LMNB1: variants seen among roughly 807,000 people sequenced by gnomAD.
LMNB1 encodes the protein lamin-B1.
In LMNB1, 23 loss-of-function variants were observed where a neutral mutation model predicts 67.1. That is an observed-to-expected ratio of 0.34 (90% CI 0.25 to 0.49). The LOEUF is 0.49. Among genes scored for constraint, LMNB1 ranks in the 20% least tolerant of loss-of-function variants. The pLI is 0.99. For missense variants in LMNB1, 634 were observed against 746.5 expected (o/e 0.85, Z 1.76); for synonymous variants, 281 against 282.9 (o/e 0.99, Z 0.07).
In LMNB1 at chr5:126,812,811, A is replaced by C. The variant is rs374697295; in HGVS notation, c.939+913A>C. On this transcript the variant is annotated intron_variant, in intron 5 of 10. Transcript: ENST00000261366. ...AGTGGTACGATCTCGGCTCACTGTG[A>C]GCTCCGCCTCCCGGGTTCACGCCAT... Among the ~76,000 whole-genome samples, 318 of 136,582 alleles carry C rather than the reference A, an allele frequency of 2.3e-3. 1 individual carries two copies. Among genetic ancestry groups the C allele is most frequent in the African/African-American group, 8.7e-3 (307 of 35,316 alleles). The allele number at this position is 136,582 out of a possible 152,430, so 89.6% of individuals were successfully genotyped here.
At chr5:126,814,709 T>C (rs1438266055) in intron 5 of LMNB1, among the ~76,000 whole-genome samples, 3 of 152,188 alleles carry the variant, frequency 2.0e-5, no homozygotes, top group African/African-American at 7.2e-5. Context: ...CAGCTAATTC[T>C]TTGTATTTTT....
At chr5:126,828,129 G>C (rs142435138) in intron 9 of LMNB1, among the ~76,000 whole-genome samples, 1 of 152,310 alleles carries the variant, frequency 6.6e-6, no homozygotes, top group African/African-American at 2.4e-5. Context: ...GAGGTGCCTG[G>C]ATAAAAAGTT....
At chr5:126,793,829 T>TTGCGCCATTGCACTCTGGCCTGGGCAA (rs1751024282) in intron 1 of LMNB1, among the ~76,000 whole-genome samples, 3 of 152,028 alleles carry the variant, frequency 2.0e-5, no homozygotes, top group African/African-American at 7.2e-5. Context: ...TTAGCTGAGA[T>TTGCGCCATTGCACTCTGGCCTGGGCAA]TGCGCCATTG....
chr5:126,794,115 G>T (rs1751031955), intron 1 of LMNB1, among the ~76,000 whole-genome samples: 1 of 152,048 alleles, frequency 6.6e-6, no homozygotes, highest in Admixed American at 6.6e-5. Context: ...TTGTATTTTT[G>T]TATTTCACCA....
Position 126,821,034 on chromosome 5 carries a change from A to G in LMNB1, c.1285A>G (p.Ser429Gly). The G allele has an allele frequency of 6.2e-7, 1 of 1,613,972 alleles. No homozygotes were observed. Among genetic ancestry groups the G allele is most frequent in the Non-Finnish European group, 8.5e-7 (1 of 1,179,864 alleles). The change falls in exon 7 of 11, where the codon AGT (serine) becomes GGT (glycine). Residue 429 changes from serine (S) to glycine (G), a missense_variant. Ser to Gly is a moderately conservative substitution (Grantham distance 56). Transcript: ENST00000261366. ...VDVEESEASS[S>G]VSISHSASAT... Reference sequence around the variant, plus strand: ...TGTGGAAGAATCAGAGGCGAGTAGTAGTGTTAGCATCTCTCATTCCGCCTC... The same window carrying G: ...TGTGGAAGAATCAGAGGCGAGTAGTGGTGTTAGCATCTCTCATTCCGCCTC...
At chr5:126,794,214 C>T (rs562026315) in intron 1 of LMNB1, among the ~76,000 whole-genome samples, 108 of 152,270 alleles carry the variant, frequency 7.1e-4, no homozygotes, top group Admixed American at 1.3e-3. Flanking sequence ...AGTGAACCAC[C>T]GTGCCTGGCC....
intron 3 of LMNB1, among the ~76,000 whole-genome samples, chr5:126,808,605 CAA>C (rs1376393666): frequency 6.6e-6 from 1 of 151,898 alleles, no homozygotes; most frequent in Non-Finnish European, 1.5e-5. Flanking sequence ...AGGAGGTAGA[CAA>C]AGAACAAACC....
chr5:126,779,141 GAA>G (rs1263705954), intron 1 of LMNB1, among the ~76,000 whole-genome samples: 2 of 152,080 alleles, frequency 1.3e-5, no homozygotes, highest in Non-Finnish European at 2.9e-5. Flanking sequence ...GTCCCTGTCC[GAA>G]GTCTCTGAGA....
chr5:126,809,090 G>T (rs1751524106), intron 3 of LMNB1, among the ~76,000 whole-genome samples: 1 of 152,098 alleles, frequency 6.6e-6, no homozygotes. Flanking sequence ...GGCCAGGCTG[G>T]TCTTGAACTC....
chr5:126,790,977 C>T (rs950323364), intron 1 of LMNB1, among the ~76,000 whole-genome samples: 13 of 151,858 alleles, frequency 8.6e-5, no homozygotes, highest in South Asian at 2.1e-4. Context: ...GCCCAGGTCG[C>T]GCCATTGCAC....
chr5:126,825,576 T>C (rs892300968), intron 8 of LMNB1, among the ~76,000 whole-genome samples: 3 of 152,132 alleles, frequency 2.0e-5, no homozygotes, highest in African/African-American at 7.2e-5. Context: ...CACAGAGTAA[T>C]AGAACGCTGA....
intron 10 of LMNB1, among the ~76,000 whole-genome samples, chr5:126,834,604 C>G (rs906483453): frequency 6.6e-6 from 1 of 152,186 alleles, no homozygotes; most frequent in East Asian, 1.9e-4. Context: ...AGAATGTGGC[C>G]GGGCACGGTG....
chr5:126,814,540 G>GTT (rs202142686), intron 5 of LMNB1, among the ~76,000 whole-genome samples: 10 of 136,642 alleles, frequency 7.3e-5, no homozygotes, highest in Non-Finnish European at 8.0e-5. Context: ...TTGCAAGTTG[G>GTT]TTTTTTTTTT....
intron 4 of LMNB1, 28 bp from the exon 5 acceptor site, chr5:126,811,745 A>AC: frequency 6.3e-7 from 1 of 1,588,790 alleles, no homozygotes; most frequent in Non-Finnish European, 8.6e-7. Context: ...TCTAGATAAG[A>AC]CTGACTATGC....
At chr5:126,791,082 G>C (rs1750944072) in intron 1 of LMNB1, among the ~76,000 whole-genome samples, 1 of 152,104 alleles carries the variant, frequency 6.6e-6, no homozygotes, top group Non-Finnish European at 1.5e-5. Flanking sequence ...GTGTTCTTTA[G>C]TTTTCTAGCT....
intron 10 of LMNB1, among the ~76,000 whole-genome samples, chr5:126,835,278 A>G (rs1207870695): frequency 2.0e-5 from 3 of 152,268 alleles, no homozygotes; most frequent in African/African-American, 7.2e-5. Flanking sequence ...TTTGAACTTC[A>G]TATTTGAGGA....
intron 6 of LMNB1, 75 bp from the exon 7 acceptor site, chr5:126,820,835 T>G: frequency 1.7e-6 from 2 of 1,164,794 alleles, no homozygotes; most frequent in Non-Finnish European, 2.4e-6. Flanking sequence ...GCCCTTGTTT[T>G]TTTGTTTTTT....
intron 1 of LMNB1, among the ~76,000 whole-genome samples, chr5:126,780,592 C>T (rs906918610): frequency 2.6e-5 from 4 of 152,080 alleles, no homozygotes; most frequent in Non-Finnish European, 4.4e-5. Flanking sequence ...AAAAATAAAG[C>T]GGAGTGAAGG....
intron 8 of LMNB1, 64 bp downstream of exon 8, chr5:126,822,949 AG>A (rs1751906572): frequency 2.8e-6 from 3 of 1,090,154 alleles, no homozygotes; most frequent in Non-Finnish European, 4.1e-6. Flanking sequence ...TAACTCAAAA[AG>A]TTTTTTGGCT....
Sources: allele counts gnomAD v4.1 joint callset (sites outside exome capture counted in the v4.1 genomes callset), GRCh38; gene constraint gnomAD v4.1.1; transcripts MANE v1.5; gene names NCBI Gene and HGNC (gene_info 2026-07-23, HGNC 2026-07-21).